The following MIR2052HG variants were observed in gnomAD, a reference collection of about 807,000 sequenced individuals.
The protein encoded by MIR2052HG is MIR2052 host gene.
intron 4 of MIR2052HG, among the ~76,000 whole-genome samples, chr8:74,718,537 G>GAA (rs1330358509): frequency 6.6e-6 from 1 of 152,192 alleles, no homozygotes; most frequent in Non-Finnish European, 1.5e-5. Context: ...GAATAAACCA[G>GAA]AAGTTGCATG....
intron 4 of MIR2052HG, among the ~76,000 whole-genome samples, chr8:74,738,565 G>A (rs902948022): frequency 6.6e-6 from 1 of 152,106 alleles, no homozygotes; most frequent in Non-Finnish European, 1.5e-5. Context: ...TTGGTAGAAG[G>A]AACTGTCTTC....
At chr8:74,726,839 A>G (rs991482755) in intron 4 of MIR2052HG, among the ~76,000 whole-genome samples, 19 of 152,310 alleles carry the variant, frequency 1.2e-4, no homozygotes, top group Admixed American at 8.5e-4. Context: ...GATCTGCCCT[A>G]TGTTTATAGC....
chr8:74,747,176 G>A (rs952019918), intron 4 of MIR2052HG, among the ~76,000 whole-genome samples: 3 of 152,044 alleles, frequency 2.0e-5, no homozygotes, highest in African/African-American at 7.2e-5. Context: ...TACAAATCCT[G>A]GTTCCATCAC....
At chr8:74,699,812 T>A (rs1809340177) in intron 2 of MIR2052HG, among the ~76,000 whole-genome samples, 1 of 152,144 alleles carries the variant, frequency 6.6e-6, no homozygotes, top group South Asian at 2.1e-4. Flanking sequence ...TAAGTGGAAA[T>A]GGTTTCTATA....
chr8:74,643,553 A>G (rs10504583), intron 2 of MIR2052HG, among the ~76,000 whole-genome samples: 12,159 of 152,222 alleles, frequency 0.08, 690 homozygotes, highest in African/African-American at 0.15. Flanking sequence ...CTGCAGTCCC[A>G]AAATGTTTTA....
At chr8:74,608,784 G>C (rs189287726) in intron 1 of MIR2052HG, among the ~76,000 whole-genome samples, 2 of 152,142 alleles carry the variant, frequency 1.3e-5, no homozygotes, top group East Asian at 3.9e-4. Context: ...AATTTTGTGA[G>C]ATGAAGTTAA....
intron 4 of MIR2052HG, among the ~76,000 whole-genome samples, chr8:74,713,583 C>T (rs1201474242): frequency 6.6e-6 from 1 of 151,962 alleles, no homozygotes; most frequent in East Asian, 1.9e-4. Flanking sequence ...CCTACTGATG[C>T]CATTTCACAA....
chr8:74,651,005 C>T (rs1245287749), intron 2 of MIR2052HG, among the ~76,000 whole-genome samples: 1 of 152,044 alleles, frequency 6.6e-6, no homozygotes, highest in Non-Finnish European at 1.5e-5. Context: ...TCTGTGTCAT[C>T]TCTCATATCT....
intron 4 of MIR2052HG, among the ~76,000 whole-genome samples, chr8:74,707,788 TG>T (rs1185249903): frequency 6.6e-6 from 1 of 152,140 alleles, no homozygotes; most frequent in Admixed American, 6.6e-5. Context: ...GGACAATTTT[TG>T]TGAGAAACAA....
intron 4 of MIR2052HG, among the ~76,000 whole-genome samples, chr8:74,738,296 C>T (rs1379102431): frequency 6.6e-6 from 1 of 152,148 alleles, no homozygotes; most frequent in Non-Finnish European, 1.5e-5. Context: ...GTTCATCAAT[C>T]TCAGTGTGCA....
At chr8:74,640,513 G>T (rs918429911) in intron 2 of MIR2052HG, among the ~76,000 whole-genome samples, 1 of 150,530 alleles carries the variant, frequency 6.6e-6, no homozygotes, top group Non-Finnish European at 1.5e-5. Flanking sequence ...TGCTCTCCCT[G>T]GCCTCCGTTT....
At chr8:74,743,105 A>G (rs1421043666) in intron 4 of MIR2052HG, among the ~76,000 whole-genome samples, 2 of 152,110 alleles carry the variant, frequency 1.3e-5, no homozygotes, top group Non-Finnish European at 2.9e-5. Context: ...ACCAAAAAAC[A>G]AAAAACAAAA....
chr8:74,646,532 T>G (rs561451222), intron 2 of MIR2052HG, among the ~76,000 whole-genome samples: 62 of 152,250 alleles, frequency 4.1e-4, no homozygotes, highest in African/African-American at 1.4e-3. Context: ...GATGATGAGT[T>G]CAGTTTAGGA....
At chr8:74,741,873 A>T (rs1809835139) in intron 4 of MIR2052HG, among the ~76,000 whole-genome samples, 1 of 152,234 alleles carries the variant, frequency 6.6e-6, no homozygotes, top group Admixed American at 6.5e-5. Context: ...CACCACAAAA[A>T]GGACATTTGT....
intron 4 of MIR2052HG, among the ~76,000 whole-genome samples, chr8:74,749,155 A>G (rs1004471617): frequency 6.6e-6 from 1 of 152,218 alleles, no homozygotes; most frequent in Admixed American, 6.5e-5. Context: ...GAAAGGTGGT[A>G]ACAGAATAAA....
intron 4 of MIR2052HG, among the ~76,000 whole-genome samples, chr8:74,728,511 A>G (rs1269919788): frequency 6.6e-6 from 1 of 152,168 alleles, no homozygotes; most frequent in Non-Finnish European, 1.5e-5. Context: ...ATGGTGCACG[A>G]TCTTCCTTGT....
intron 2 of MIR2052HG, among the ~76,000 whole-genome samples, chr8:74,670,545 T>G (rs971160761): frequency 4.2e-4 from 64 of 152,160 alleles, no homozygotes; most frequent in African/African-American, 1.4e-3. Flanking sequence ...CACTAAATTT[T>G]GGCAGTTGCT....
chr8:74,647,551 G>A (rs7843297), intron 2 of MIR2052HG, among the ~76,000 whole-genome samples: 3,063 of 152,252 alleles, frequency 0.02, 91 homozygotes, highest in African/African-American at 0.069. Flanking sequence ...TTGAAAAAAT[G>A]TTTTAAGCAT....
intron 4 of MIR2052HG, among the ~76,000 whole-genome samples, chr8:74,726,840 T>C (rs554094748): frequency 2.7e-4 from 41 of 152,336 alleles, no homozygotes; most frequent in Non-Finnish European, 5.3e-4. Flanking sequence ...ATCTGCCCTA[T>C]GTTTATAGCA....
Sources: gnomAD v4.1 joint callset for allele counts (sites outside exome capture counted in the v4.1 genomes callset) on GRCh38, gnomAD v4.1.1 for gene constraint, MANE v1.5 for transcripts, NCBI Gene and HGNC (gene_info 2026-07-23, HGNC 2026-07-21) for gene names.